Variants in GPSM2 observed in about 807,000 individuals in gnomAD.
GPSM2 encodes the protein G protein signaling modulator 2.
GPSM2 carries 58 observed loss-of-function variants against 78.4 expected under a neutral mutation model. The observed-to-expected ratio is 0.74, with a 90% CI of 0.60 to 0.92. GPSM2 has a LOEUF of 0.92. Among genes scored for constraint, GPSM2 ranks in the 40% least tolerant of loss-of-function variants. The pLI is 0.00. For synonymous variants in GPSM2, 224 were observed against 280.2 expected, an observed-to-expected ratio of 0.80 and a Z score of 2.00; for missense variants, 700 against 815.5, an observed-to-expected ratio of 0.86 and a Z score of 1.73.
chr1:108,902,412 A>G (rs539497289), intron 8 of GPSM2, among the ~76,000 whole-genome samples: 51 of 152,024 alleles, frequency 3.4e-4, no homozygotes, highest in Middle Eastern at 3.4e-3. Flanking sequence ...TCCTAACTAC[A>G]TAAGTGTGGG....
chr1:108,905,332 A>G (rs1649137688), intron 10 of GPSM2, among the ~76,000 whole-genome samples: 1 of 152,182 alleles, frequency 6.6e-6, no homozygotes, highest in African/African-American at 2.4e-5. Flanking sequence ...CAAAACCTGA[A>G]AAGACACTAA....
chr1:108,924,096 T>G lies in GPSM2; in HGVS notation c.1697T>G (p.Phe566Cys). ...SRRLDDQRAS[F>C]SNLPGLRLTQ... ...CGTCTGGATGACCAGAGGGCTAGTT[T>G]CAGTAATTTGCCAGGGCTTCGTCTA... is the stretch of plus-strand genomic sequence containing the variant. Residue 566 changes from phenylalanine (F) to cysteine (C), a missense_variant, in exon 14 of 15, where the codon TTC (phenylalanine) becomes TGC (cysteine). By Grantham distance (205) the Phe-to-Cys change is radical. Coordinates refer to ENST00000264126, the MANE Select transcript of GPSM2 (RefSeq NM_013296.5). 2 of 1,613,496 alleles carry G rather than the reference T, an allele frequency of 1.2e-6. No homozygotes were observed. The highest frequency in any genetic ancestry group is 2.2e-5 in the South Asian group (2 of 91,072).
chr1:108,885,940 T>C (rs1647509035), intron 2 of GPSM2, among the ~76,000 whole-genome samples: 1 of 152,188 alleles, frequency 6.6e-6, no homozygotes, highest in Non-Finnish European at 1.5e-5. Context: ...TGCATTGTAA[T>C]TTAATGTGAT....
In GPSM2 at chr1:108,898,062, A is replaced by C. The variant is rs1648509743; in HGVS notation, c.518A>C (p.Glu173Ala). ...GPQDVGEFPE[E>A]VRDALQAAVD... ...CAGGATGTAGGAGAATTTCCAGAAG[A>C]AGTGAGAGATGCTCTGCAGGCAGCC... Residue 173 changes from glutamate (E) to alanine (A), a missense_variant, in exon 5 of 15, where the codon GAA (glutamate) becomes GCA (alanine). Glu to Ala is a moderately radical substitution (Grantham distance 107). Transcript: ENST00000264126. 6 of 1,614,034 alleles carry C rather than the reference A, an allele frequency of 3.7e-6. No homozygotes were observed. The highest frequency in any genetic ancestry group is 5.1e-6 in the Non-Finnish European group (6 of 1,179,932).
intron 2 of GPSM2, among the ~76,000 whole-genome samples, chr1:108,888,101 G>A (rs1356793990): frequency 6.6e-6 from 1 of 152,222 alleles, no homozygotes; most frequent in Non-Finnish European, 1.5e-5. Flanking sequence ...CCAGGCTGGA[G>A]TGCAGTGGTG....
intron 14 of GPSM2, 125 bp downstream of exon 14, chr1:108,924,339 A>C: frequency 1.4e-6 from 1 of 739,014 alleles, no homozygotes; most frequent in Non-Finnish European, 2.4e-6. Flanking sequence ...TCCATCATTC[A>C]GTAAAAAATT....
At position 108,929,983 on chromosome 1, in the gene GPSM2, A is replaced by AACAATCTATTACTTTTTT. The variant is rs1651648846; in HGVS notation, c.*44_*61dup. On this transcript the variant is annotated 3_prime_UTR_variant, in exon 15 of 15. Transcript: ENST00000264126. ...TTTTTCCTTTCAAACACGGTAAGGA[A>AACAATCTATTACTTTTTT]ACAATCTATTACTTTTTTCCTTAAA... The AACAATCTATTACTTTTTT allele has an allele frequency of 6.4e-7, 1 of 1,565,328 alleles. No individual in the cohort carries two copies. Among genetic ancestry groups the AACAATCTATTACTTTTTT allele is most frequent in the Non-Finnish European group, 8.8e-7 (1 of 1,139,202 alleles).
At chr1:108,912,460 C>T (rs1395136670) in intron 10 of GPSM2, among the ~76,000 whole-genome samples, 1 of 151,520 alleles carries the variant, frequency 6.6e-6, no homozygotes, top group Non-Finnish European at 1.5e-5. Context: ...AGTGATGATG[C>T]AGGAGAGGTG....
intron 10 of GPSM2, among the ~76,000 whole-genome samples, chr1:108,910,675 C>T (rs1275685795): frequency 6.6e-6 from 1 of 151,926 alleles, no homozygotes; most frequent in Non-Finnish European, 1.5e-5. Context: ...CCAGCCTGAC[C>T]AACGTGGTGA....
chr1:108,918,701 A>AG lies in GPSM2; in HGVS notation c.1356dup (p.Lys453GlufsTer10). 1 of 1,613,304 alleles carries AG rather than the reference A, an allele frequency of 6.2e-7. No homozygotes were observed. Among genetic ancestry groups the AG allele is most frequent in the Non-Finnish European group, 8.5e-7 (1 of 1,179,312 alleles). The stretch of plus-strand genomic sequence containing the variant: ...AAGCTACTCTTTGTCAACAGACTGA[A>AG]GGGGAAAAAATACAAAACGAATTCC... On this transcript the variant is annotated frameshift_variant, in exon 12 of 15. Coordinates refer to ENST00000264126, the MANE Select transcript of GPSM2 (RefSeq NM_013296.5). LOFTEE classifies it high-confidence loss of function.
chr1:108,877,468 A>G (rs1570857524), intron 1 of GPSM2: 1 of 149,762 alleles, frequency 6.7e-6, no homozygotes, highest in Non-Finnish European at 1.5e-5. Flanking sequence ...TTTTTGTCGG[A>G]AGGTCTTCAA....
rs757251927 is a variant in GPSM2 at position 108,929,680 on chromosome 1, ATC to A, written c.1816-14_1816-13del. The A allele has an allele frequency of 1.2e-6, 2 of 1,610,250 alleles. No homozygotes were observed. Among genetic ancestry groups the A allele is most frequent in the South Asian group, 2.2e-5 (2 of 91,010 alleles). On this transcript the variant is annotated intron_variant, in intron 14 of 14. Transcript: ENST00000264126. Reference sequence around the variant, plus strand: ...TTTCTTTCCCACAGTATGTCTTTTAATCTCTCTCATAAACTTCTAGGGATCCA... The same window carrying A: ...TTTCTTTCCCACAGTATGTCTTTTAATCTCTCATAAACTTCTAGGGATCCA...
chr1:108,896,456 G>A (rs1464155831), intron 2 of GPSM2, among the ~76,000 whole-genome samples: 4 of 151,944 alleles, frequency 2.6e-5, no homozygotes, highest in Non-Finnish European at 5.9e-5. Flanking sequence ...TGGATACCTG[G>A]GTAGAGAACA....
In GPSM2 at chr1:108,888,540, C is replaced by G. The variant is rs562905357; in HGVS notation, c.56+2962C>G. Among the ~76,000 whole-genome samples, 9 of 151,882 alleles carry G rather than the reference C, an allele frequency of 5.9e-5. No individual in the cohort carries two copies. The South Asian group carries it at 1.9e-3, about 32-fold the overall frequency. On this transcript the variant is annotated intron_variant, in intron 2 of 14. Coordinates refer to ENST00000264126, the MANE Select transcript of GPSM2 (RefSeq NM_013296.5). ...CTTTTTGTGAAGATGCGATCTCACT[C>G]TGTTGCCTAGGCTGGTCTCGAACTC...
chr1:108,910,886 AT>A (rs1269296789), intron 10 of GPSM2, among the ~76,000 whole-genome samples: 3 of 152,072 alleles, frequency 2.0e-5, no homozygotes, highest in African/African-American at 7.2e-5. Context: ...ATTCAAGTGG[AT>A]TCAACATTAG....
intron 10 of GPSM2, among the ~76,000 whole-genome samples, chr1:108,905,164 CT>C (rs1649120005): frequency 6.6e-6 from 1 of 152,128 alleles, no homozygotes; most frequent in African/African-American, 2.4e-5. Context: ...TGACTGCGTG[CT>C]TTGTGGTTGA....
At chr1:108,908,087 A>C (rs560461652) in intron 10 of GPSM2, among the ~76,000 whole-genome samples, 1 of 152,344 alleles carries the variant, frequency 6.6e-6, no homozygotes, top group African/African-American at 2.4e-5. Flanking sequence ...ATACACATAC[A>C]GGGGCCGGGC....
intron 14 of GPSM2, among the ~76,000 whole-genome samples, chr1:108,925,466 T>TGGAGGAAGATGAGCTGGCAAA: frequency 6.9e-6 from 1 of 145,002 alleles, no homozygotes; most frequent in South Asian, 2.3e-4. Context: ...ACTGGTTAGA[T>TGGAGGAAGATGAGCTGGCAAA]GGAGGAAGAT....
In GPSM2 at chr1:108,897,700, T is replaced by C. The variant is rs1648477108; in HGVS notation, c.414+73T>C. ...GCTTTGCATTTTAATACTATTTAAT[T>C]ATTCTATAGTTTATTTTAAAATTAA... is the stretch of plus-strand genomic sequence containing the variant. On this transcript the variant is annotated intron_variant, in intron 4 of 14. Coordinates refer to ENST00000264126, the MANE Select transcript of GPSM2 (RefSeq NM_013296.5). 3.9e-6 allele frequency: 5 copies of C among 1,269,408 alleles called. No homozygotes were observed. The Admixed American group carries it at 1.0e-4, about 26-fold the overall frequency. 78.6% of individuals were successfully genotyped at this position (1,269,408 alleles called of 1,614,324 possible). A position where few individuals can be genotyped will look rare whatever the true frequency, so the allele number is the denominator to read the frequency against.
Sources: gnomAD v4.1 joint callset for allele counts (sites outside exome capture counted in the v4.1 genomes callset) on GRCh38, gnomAD v4.1.1 for gene constraint, MANE v1.5 for transcripts, NCBI Gene and HGNC (gene_info 2026-07-23, HGNC 2026-07-21) for gene names.